Variants in NOS1AP observed in about 807,000 individuals in gnomAD.
NOS1AP encodes the protein carboxyl-terminal PDZ ligand of neuronal nitric oxide synthase protein.
In NOS1AP, 21 loss-of-function variants were observed where a neutral mutation model predicts 56.2. The observed-to-expected ratio is 0.37, with a 90% CI of 0.26 to 0.54. NOS1AP has a LOEUF of 0.54. NOS1AP is among the 20% of genes least tolerant of loss of function. The probability of loss-of-function intolerance (pLI) is 0.84; values close to 1 mark genes in which losing one functional copy is unlikely to be tolerated. For missense variants in NOS1AP, 522 were observed against 657.8 expected (o/e 0.79, Z 2.26); for synonymous variants, 270 against 274.6 (o/e 0.98, Z 0.17).
chr1:162,108,846 G>GA (rs1209244417), intron 1 of NOS1AP, among the ~76,000 whole-genome samples: 2 of 151,776 alleles, frequency 1.3e-5, no homozygotes, highest in East Asian at 1.9e-4. Flanking sequence ...CAATAGATAT[G>GA]AAAAAAAAGA....
intron 1 of NOS1AP, among the ~76,000 whole-genome samples, chr1:162,120,274 A>G (rs1418529673): frequency 6.6e-6 from 1 of 152,204 alleles, no homozygotes; most frequent in East Asian, 1.9e-4. Context: ...AATTTTATTT[A>G]TAATAATGAA....
intron 6 of NOS1AP, among the ~76,000 whole-genome samples, chr1:162,347,843 A>G (rs1427379994): frequency 5.9e-5 from 9 of 152,216 alleles, no homozygotes; most frequent in Non-Finnish European, 7.3e-5. Flanking sequence ...TTTCAGCCAC[A>G]GTCAACGCCG....
intron 2 of NOS1AP, among the ~76,000 whole-genome samples, chr1:162,198,763 C>G (rs1651886915): frequency 1.3e-5 from 2 of 152,128 alleles, no homozygotes; most frequent in East Asian, 3.9e-4. Context: ...TTTGCTGGAA[C>G]TGGGAATCAA....
chr1:162,149,745 T>C (rs905618778), intron 1 of NOS1AP, among the ~76,000 whole-genome samples: 1 of 152,260 alleles, frequency 6.6e-6, no homozygotes, highest in Non-Finnish European at 1.5e-5. Context: ...GGTGCAGCTA[T>C]AGCGAAAACA....
chr1:162,340,013 GA>G (rs1035818793), intron 5 of NOS1AP, among the ~76,000 whole-genome samples: 19 of 152,222 alleles, frequency 1.2e-4, no homozygotes, highest in African/African-American at 4.6e-4. Context: ...GTACAGTGAG[GA>G]GCTGTTTAGC....
chr1:162,087,767 G>A (rs1228677937), intron 1 of NOS1AP, among the ~76,000 whole-genome samples: 1 of 152,132 alleles, frequency 6.6e-6, no homozygotes, highest in East Asian at 1.9e-4. Context: ...AAAGCAAACA[G>A]CCAGAACACA....
chr1:162,179,049 T>G (rs1651164462), intron 2 of NOS1AP, among the ~76,000 whole-genome samples: 1 of 152,108 alleles, frequency 6.6e-6, no homozygotes, highest in African/African-American at 2.4e-5. Flanking sequence ...GCTGAAAAAT[T>G]TTGATAACAG....
chr1:162,186,685 G>A (rs780000605), intron 2 of NOS1AP, among the ~76,000 whole-genome samples: 2 of 152,200 alleles, frequency 1.3e-5, no homozygotes, highest in Non-Finnish European at 2.9e-5. Context: ...AGGACACAGT[G>A]AGAAGACTGC....
intron 2 of NOS1AP, among the ~76,000 whole-genome samples, chr1:162,274,408 C>T (rs1418201244): frequency 1.3e-5 from 2 of 152,212 alleles, no homozygotes; most frequent in Admixed American, 6.5e-5. Flanking sequence ...GTTTATATAG[C>T]ACCCTCACTT....
intron 1 of NOS1AP, among the ~76,000 whole-genome samples, chr1:162,113,738 C>G (rs1400194384): frequency 1.3e-5 from 2 of 152,054 alleles, no homozygotes; most frequent in Non-Finnish European, 2.9e-5. Context: ...GATCCACTAC[C>G]TCCTGCCAGG....
intron 2 of NOS1AP, among the ~76,000 whole-genome samples, chr1:162,280,323 A>G (rs934354528): frequency 6.6e-6 from 1 of 152,372 alleles, no homozygotes; most frequent in African/African-American, 2.4e-5. Context: ...TTTCATAAGA[A>G]TCTATCTTGT....
At position 162,221,194 on chromosome 1, in the gene NOS1AP, C is replaced by T. The variant is rs533371970; in HGVS notation, c.178-66150C>T. Reference sequence around the variant, plus strand: ...GGCCTCCCGATCCACCCACCTTGGCCTCCCAAAGTGCTGGGATTAAAGGCG... The same window carrying T: ...GGCCTCCCGATCCACCCACCTTGGCTTCCCAAAGTGCTGGGATTAAAGGCG... On this transcript the variant is annotated intron_variant, in intron 2 of 9. Coordinates refer to ENST00000361897, the MANE Select transcript of NOS1AP (RefSeq NM_014697.3). 4.6e-5 allele frequency among the ~76,000 whole-genome samples: 7 copies of T among 152,352 alleles called. No individual in the cohort carries two copies. The South Asian group carries it at 1.5e-3, about 32-fold the overall frequency.
chr1:162,353,769 C>G (rs970706484), intron 6 of NOS1AP, among the ~76,000 whole-genome samples: 1 of 152,112 alleles, frequency 6.6e-6, no homozygotes, highest in Non-Finnish European at 1.5e-5. Flanking sequence ...CATGGAGAAC[C>G]AAACGCTTAG....
At chr1:162,189,326 A>G (rs563378877) in intron 2 of NOS1AP, among the ~76,000 whole-genome samples, 1 of 152,344 alleles carries the variant, frequency 6.6e-6, no homozygotes, top group East Asian at 1.9e-4. Context: ...GAAAAAGTTT[A>G]AGGTGCTCAT....
intron 3 of NOS1AP, among the ~76,000 whole-genome samples, chr1:162,292,171 A>G (rs1655300957): frequency 6.6e-6 from 1 of 152,226 alleles, no homozygotes; most frequent in African/African-American, 2.4e-5. Context: ...CCTTCCCTGC[A>G]AAATTATTCT....
In NOS1AP at chr1:162,165,158, C is replaced by A. The variant is rs190652719; in HGVS notation, c.177+10682C>A. Among the ~76,000 whole-genome samples, 330 of 152,146 alleles carry A rather than the reference C, an allele frequency of 2.2e-3. 1 individual carries two copies. The highest frequency in any genetic ancestry group is 7.2e-3 in the African/African-American group (300 of 41,512). On this transcript the variant is annotated intron_variant, in intron 2 of 9. Coordinates refer to ENST00000361897, the MANE Select transcript of NOS1AP (RefSeq NM_014697.3). ...CCAACATGGAGAAACCCTGTCTCTA[C>A]TAAAAATACAAAATTAGCTGGGCAT...
At chr1:162,164,071 C>T (rs1195407670) in intron 2 of NOS1AP, among the ~76,000 whole-genome samples, 1 of 152,186 alleles carries the variant, frequency 6.6e-6, no homozygotes, top group Admixed American at 6.5e-5. Flanking sequence ...TGCTTTATTA[C>T]AGTTATTTAT....
intron 2 of NOS1AP, among the ~76,000 whole-genome samples, chr1:162,182,851 T>G (rs1651306803): frequency 6.6e-6 from 1 of 152,222 alleles, no homozygotes; most frequent in Non-Finnish European, 1.5e-5. Context: ...GTGCAGTTAC[T>G]TCCTCCACTG....
intron 3 of NOS1AP, among the ~76,000 whole-genome samples, chr1:162,292,245 C>A (rs1032530350): frequency 6.6e-6 from 1 of 152,226 alleles, no homozygotes; most frequent in Non-Finnish European, 1.5e-5. Context: ...AGTTATTTAT[C>A]TCTTTCCCCC....
Sources: allele counts gnomAD v4.1 joint callset (sites outside exome capture counted in the v4.1 genomes callset), GRCh38; gene constraint gnomAD v4.1.1; transcripts MANE v1.5; gene names NCBI Gene and HGNC (gene_info 2026-07-23, HGNC 2026-07-21).